Variants in DAB1 observed in about 807,000 individuals in gnomAD.
DAB1 encodes disabled homolog 1.
A neutral mutation model predicts 64.6 loss-of-function variants in DAB1; 15 were observed. The ratio of observed to expected loss-of-function variants is 0.23; its 90% CI spans 0.16 to 0.36. The LOEUF (loss-of-function observed/expected upper bound fraction) is 0.36, where lower values mean the gene tolerates loss of function less well. DAB1 is among the 10% of genes least tolerant of loss of function. DAB1 has a pLI of 1.00. For missense variants in DAB1, 596 were observed against 706.7 expected (o/e 0.84, Z 1.78); for synonymous variants, 235 against 251.9 (o/e 0.93, Z 0.64).
rs867250942 is a variant in DAB1 at position 58,373,888 on chromosome 1, A to G, written n.258-30485T>C. On this transcript the variant is annotated intron_variant and non_coding_transcript_variant, in intron 3 of 20. Coordinates refer to the DAB1 transcript ENST00000485760. ...TTGCCATTCTAACTGGTGTGAGATG[A>G]TATCTCATAGTGGTTTTGATTTGCA... 8.0e-5 allele frequency among the ~76,000 whole-genome samples: 12 copies of G among 150,400 alleles called. No individual in the cohort carries two copies. The East Asian group carries it at 9.8e-4, about 12-fold the overall frequency.
At chr1:58,100,208 C>G (rs891835951) in intron 5 of DAB1, among the ~76,000 whole-genome samples, 2 of 152,302 alleles carry the variant, frequency 1.3e-5, no homozygotes, top group South Asian at 4.1e-4. Flanking sequence ...TCCATCATCC[C>G]AAACAGGAAC....
intron 7 of DAB1, among the ~76,000 whole-genome samples, chr1:57,577,115 G>A (rs973044577): frequency 6.6e-6 from 1 of 152,150 alleles, no homozygotes; most frequent in Non-Finnish European, 1.5e-5. Flanking sequence ...TGTAATGCTC[G>A]GGAAAGCAGG....
At chr1:58,039,410 C>A (rs1647099246) in intron 5 of DAB1, among the ~76,000 whole-genome samples, 1 of 152,220 alleles carries the variant, frequency 6.6e-6, no homozygotes. Flanking sequence ...TTCCCTCTAC[C>A]TCCTGAGCAA....
At chr1:57,535,350 A>C (rs12729474) in intron 7 of DAB1, among the ~76,000 whole-genome samples, 61,226 of 152,022 alleles carry the variant, frequency 0.4, 14,243 homozygotes, top group Non-Finnish European at 0.53. Flanking sequence ...GAATGAATGA[A>C]TGAATCATGA....
chr1:57,825,546 G>A (rs1297963905), downstream of DAB1, among the ~76,000 whole-genome samples: 1 of 152,192 alleles, frequency 6.6e-6, no homozygotes, highest in African/African-American at 2.4e-5. Context: ...AGGGCAGGAG[G>A]AAGGTGACTT....
At chr1:57,100,884 A>C (rs1452831877) in intron 4 of DAB1, among the ~76,000 whole-genome samples, 2 of 152,186 alleles carry the variant, frequency 1.3e-5, no homozygotes, top group Non-Finnish European at 2.9e-5. Context: ...AGCAGAAGGT[A>C]AATCATGAAT....
chr1:57,963,791 G>A (rs545521009), intron 5 of DAB1, among the ~76,000 whole-genome samples: 2 of 151,872 alleles, frequency 1.3e-5, no homozygotes, highest in African/African-American at 4.8e-5. Flanking sequence ...AACTCATATC[G>A]CATTACATTT....
intron 4 of DAB1, among the ~76,000 whole-genome samples, chr1:58,203,653 C>T (rs772946029): frequency 9.2e-5 from 14 of 152,198 alleles, no homozygotes; most frequent in East Asian, 1.9e-4. Flanking sequence ...GGGTGGGGCC[C>T]GCATTTCCAA....
chr1:57,908,391 C>G (rs1644589927), intron 5 of DAB1, among the ~76,000 whole-genome samples: 1 of 152,108 alleles, frequency 6.6e-6, no homozygotes, highest in Admixed American at 6.5e-5. Flanking sequence ...GCCGATTTAA[C>G]CAATATAGAT....
intron 2 of DAB1, among the ~76,000 whole-genome samples, chr1:57,180,069 C>G (rs776720167): frequency 6.6e-6 from 1 of 152,180 alleles, no homozygotes; most frequent in Non-Finnish European, 1.5e-5. Context: ...AGTGTGAATC[C>G]TCCTACCAAG....
intron 1 of DAB1, among the ~76,000 whole-genome samples, chr1:57,846,343 A>G (rs1475557269): frequency 3.3e-5 from 5 of 151,658 alleles, no homozygotes; most frequent in African/African-American, 9.7e-5. Flanking sequence ...CTGTAGTCCC[A>G]TGTACTCAGG....
intron 4 of DAB1, among the ~76,000 whole-genome samples, chr1:57,083,334 T>C (rs1652744310): frequency 6.6e-6 from 1 of 152,234 alleles, no homozygotes; most frequent in Non-Finnish European, 1.5e-5. Context: ...TAATGGCCTA[T>C]ATTTTCATTC....
At chr1:57,547,060 T>C (rs1052119667) in intron 7 of DAB1, among the ~76,000 whole-genome samples, 2 of 151,308 alleles carry the variant, frequency 1.3e-5, no homozygotes, top group East Asian at 1.9e-4. Flanking sequence ...AGTACAAAGC[T>C]AGGAAATGAA....
At chr1:57,781,571 A>T (rs1363615957) in intron 6 of DAB1, among the ~76,000 whole-genome samples, 1 of 152,176 alleles carries the variant, frequency 6.6e-6, no homozygotes, top group Non-Finnish European at 1.5e-5. Context: ...TGAGGCTCAC[A>T]GAAAGTAAAC....
chr1:57,499,468 A>T (rs1272872165), intron 7 of DAB1, among the ~76,000 whole-genome samples: 1 of 152,200 alleles, frequency 6.6e-6, no homozygotes. Context: ...TAAGCTGAAC[A>T]GAGGAACTGG....
chr1:57,625,041 A>G (rs920213757), intron 7 of DAB1, among the ~76,000 whole-genome samples: 3 of 152,188 alleles, frequency 2.0e-5, no homozygotes, highest in African/African-American at 7.2e-5. Context: ...CAACAAGTCA[A>G]AGCCCCCTGC....
intron 4 of DAB1, among the ~76,000 whole-genome samples, chr1:57,123,921 C>T (rs1396174213): frequency 6.6e-6 from 1 of 152,036 alleles, no homozygotes; most frequent in Non-Finnish European, 1.5e-5. Context: ...ACATAATTTG[C>T]AGTTTTTTTC....
Position 58,406,718 on chromosome 1 carries a change from C to A in DAB1, n.258-63315G>T, listed in dbSNP as rs946934499. On this transcript the variant is annotated intron_variant and non_coding_transcript_variant, in intron 3 of 20. Coordinates refer to the DAB1 transcript ENST00000485760. ...AAGAACGATAATATCATCCCCCCCC[C>A]CCAACTGCCACCATCTCACCAACCT... is the stretch of plus-strand genomic sequence containing the variant. Among the ~76,000 whole-genome samples, 217 of 89,576 alleles carry A rather than the reference C, an allele frequency of 2.4e-3. 1 individual carries two copies. Among genetic ancestry groups the A allele is most frequent in the African/African-American group, 1.0e-2 (206 of 20,678 alleles). 58.8% of individuals were successfully genotyped at this position (89,576 alleles called of 152,430 possible). A position where few individuals can be genotyped will look rare whatever the true frequency, so the allele number is the denominator to read the frequency against.
At chr1:58,316,361 G>C (rs1221249862) in intron 4 of DAB1, among the ~76,000 whole-genome samples, 1 of 152,108 alleles carries the variant, frequency 6.6e-6, no homozygotes, top group Non-Finnish European at 1.5e-5. Context: ...TATTTAAAAT[G>C]AACTAAACAA....
Sources: gnomAD v4.1 joint callset for allele counts (sites outside exome capture counted in the v4.1 genomes callset) on GRCh38, gnomAD v4.1.1 for gene constraint, MANE v1.5 for transcripts, NCBI Gene and HGNC (gene_info 2026-07-23, HGNC 2026-07-21) for gene names.